Variants in CDH23 observed in about 807,000 individuals in gnomAD.
The protein encoded by CDH23 is cadherin related 23.
Under a neutral mutation model 317.1 loss-of-function variants are expected in CDH23, and 189 were observed. The ratio of observed to expected loss-of-function variants is 0.60; its 90% CI spans 0.53 to 0.67. CDH23 has a LOEUF of 0.67. Ranked by LOEUF, CDH23 falls within the 30% of genes least tolerant of loss-of-function variation. CDH23 has a pLI of 0.00. For synonymous variants in CDH23, 1,839 were observed against 1,876.8 expected (o/e 0.98, Z 0.52); for missense variants, 4,401 against 4,592.4 (o/e 0.96, Z 1.20).
chr10:71,688,987 TCAGGGATGGTGGAGC>T (rs1564733741), intron 19 of CDH23, among the ~76,000 whole-genome samples: 41 of 2,238 alleles, frequency 0.018, no homozygotes, highest in East Asian at 0.037. Context: ...GGTGGTGGAG[TCAGGGATGGTGGAGC>T]CAGGGGTGGT....
intron 9 of CDH23, among the ~76,000 whole-genome samples, chr10:71,588,233 G>A (rs1859219408): frequency 6.6e-6 from 1 of 152,172 alleles, no homozygotes; most frequent in South Asian, 2.1e-4. Context: ...CTATCAGCGT[G>A]TCCGTGTCAT....
chr10:71,656,907 G>A (rs1863440676), intron 14 of CDH23, among the ~76,000 whole-genome samples: 1 of 152,174 alleles, frequency 6.6e-6, no homozygotes, highest in South Asian at 2.1e-4. Context: ...CCTCAGTGGA[G>A]AATAGGCGGG....
At chr10:71,441,808 C>A (rs1849899107) in intron 2 of CDH23, among the ~76,000 whole-genome samples, 1 of 152,144 alleles carries the variant, frequency 6.6e-6, no homozygotes, top group African/African-American at 2.4e-5. Context: ...TGAGACACGG[C>A]AGTCTCCCCT....
chr10:71,756,601 C>T (rs998979597), intron 38 of CDH23, among the ~76,000 whole-genome samples: 8 of 152,208 alleles, frequency 5.3e-5, no homozygotes, highest in African/African-American at 1.9e-4. Flanking sequence ...CACGAAGCTT[C>T]GCTGTCCCAA....
intron 2 of CDH23, among the ~76,000 whole-genome samples, chr10:71,440,450 T>TG (rs1296341017): frequency 7.2e-6 from 1 of 139,090 alleles, no homozygotes; most frequent in African/African-American, 2.9e-5. Flanking sequence ...GAATTGGGCC[T>TG]GAGGGGACAG....
intron 11 of CDH23, among the ~76,000 whole-genome samples, chr10:71,631,431 C>T (rs1464184314): frequency 6.6e-6 from 1 of 152,154 alleles, no homozygotes; most frequent in Non-Finnish European, 1.5e-5. Context: ...AGAGGGAGCA[C>T]TGATGACAGG....
At position 71,646,480 on chromosome 10, in the gene CDH23, C is replaced by T. The variant is rs769176534; in HGVS notation, c.1312C>T (p.Pro438Ser). The T allele has an allele frequency of 6.2e-7, 1 of 1,613,930 alleles. No individual in the cohort carries two copies. Among genetic ancestry groups the T allele is most frequent in the South Asian group, 1.1e-5 (1 of 91,082 alleles). Residue 438 changes from proline (P) to serine (S), a missense_variant, in exon 14 of 70, where the codon CCT (proline) becomes TCT (serine). This residue lies in a region of CDH23 where 3,068 missense variants were observed against 3,203.3 expected (regional missense o/e 0.96). Coordinates refer to ENST00000224721, the MANE Select transcript of CDH23 (RefSeq NM_022124.6). ...CCAGCTCTTTGCCAATGAGAGTGTG[C>T]CTGACCATGTGGGCTATGCCAAGGT... ...DFDLFANESV[P>S]DHVGYAKVKI...
At chr10:71,559,524 ATTCGATAAGCAC>A (rs1857024265) in intron 6 of CDH23, among the ~76,000 whole-genome samples, 1 of 152,216 alleles carries the variant, frequency 6.6e-6, no homozygotes, top group African/African-American at 2.4e-5. Flanking sequence ...CAGGAGGGCC[ATTCGATAAGCAC>A]TTTGATGAGT....
At chr10:71,468,926 G>T (rs781252817) in intron 3 of CDH23, among the ~76,000 whole-genome samples, 1 of 151,942 alleles carries the variant, frequency 6.6e-6, no homozygotes, top group African/African-American at 2.4e-5. Flanking sequence ...CTGCCCTCAG[G>T]CTGGCTCTCA....
At chr10:71,649,167 C>T (rs1336944936) in intron 14 of CDH23, among the ~76,000 whole-genome samples, 1 of 152,210 alleles carries the variant, frequency 6.6e-6, no homozygotes, top group Non-Finnish European at 1.5e-5. Flanking sequence ...CACCGCCCTG[C>T]CCTGCTCTTG....
In CDH23 at chr10:71,789,176, G is replaced by A. The variant is rs1841178966; in HGVS notation, c.5923+134G>A. The A allele has an allele frequency of 1.0e-5, 6 of 596,500 alleles. No individual in the cohort carries two copies. In the South Asian group the frequency reaches 1.0e-4, roughly 10 times the overall value. 37.0% of individuals were successfully genotyped at this position (596,500 alleles called of 1,614,324 possible). A position where few individuals can be genotyped will look rare whatever the true frequency, so the allele number is the denominator to read the frequency against. On this transcript the variant is annotated intron_variant, in intron 45 of 69. Coordinates refer to ENST00000224721, the MANE Select transcript of CDH23 (RefSeq NM_022124.6). ...AGTGGGTGCGGGAGGGGAAGGATGG[G>A]TGCAGCTCCGGGAGATGGTGGGCTG...
chr10:71,575,657 C>G (rs1858138335), intron 8 of CDH23, among the ~76,000 whole-genome samples: 1 of 152,228 alleles, frequency 6.6e-6, no homozygotes, highest in Non-Finnish European at 1.5e-5. Flanking sequence ...GCGCACACCC[C>G]AGCTGGACTG....
At chr10:71,759,805 G>C (rs1214616554) in intron 38 of CDH23, among the ~76,000 whole-genome samples, 2 of 118,528 alleles carry the variant, frequency 1.7e-5, no homozygotes, top group African/African-American at 7.1e-5. Context: ...GAGTGAAACC[G>C]TGTTTCAGAA....
rs144829942 is a variant in CDH23 at position 71,758,995 on chromosome 10, G to A, written c.4845+17074G>A. Among the ~76,000 whole-genome samples the A allele has an allele frequency of 4.7e-3, 721 of 152,040 alleles. 4 individuals carry two copies. The highest frequency in any genetic ancestry group is 0.017 in the African/African-American group (692 of 41,460). On this transcript the variant is annotated intron_variant, in intron 38 of 69. Coordinates refer to ENST00000224721, the MANE Select transcript of CDH23 (RefSeq NM_022124.6). ...AGCAGCTCTCATGTCTCAGCCTCCC[G>A]AGTAGCTGGGATTACAGATGCCTGC...
intron 42 of CDH23, 107 bp from the exon 43 acceptor site, chr10:71,784,784 G>A (rs2132938802): frequency 8.6e-6 from 7 of 813,490 alleles, no homozygotes; most frequent in South Asian, 4.3e-5. Flanking sequence ...ATGACCAACT[G>A]CACCCTCCCT....
chr10:71,688,980 G>GCC (rs1865050731), intron 19 of CDH23, among the ~76,000 whole-genome samples: 1 of 13,530 alleles, frequency 7.4e-5, no homozygotes, highest in African/African-American at 2.2e-4. Flanking sequence ...GTCCAGGGGT[G>GCC]GTGGAGTCAG....
Position 71,799,614 on chromosome 10 carries a change from C to T in CDH23, c.7347C>T (p.Ala2449=). ...YSLGDGESKF[A]INPTTGDIYV... ...TTGGAGATGGAGAGAGCAAGTTTGC[C>T]ATCAACCCCACCACGGTGAGCAGTG... Residue 2449 remains alanine, a synonymous_variant, in exon 52 of 70, where the codon GCC becomes GCT. Transcript: ENST00000224721. The T allele has an allele frequency of 2.5e-6, 4 of 1,614,054 alleles. No homozygotes were observed. Among genetic ancestry groups the T allele is most frequent in the Non-Finnish European group, 3.4e-6 (4 of 1,179,904 alleles).
intron 27 of CDH23, 134 bp from the exon 28 acceptor site, chr10:71,712,531 C>T (rs768834937): frequency 6.1e-5 from 54 of 888,058 alleles, no homozygotes; most frequent in Non-Finnish European, 8.1e-5. Flanking sequence ...AGGAAGTCAC[C>T]CCTTGCAAAG....
Position 71,577,925 on chromosome 10 carries a change from G to A in CDH23, c.765G>A (p.Val255=). The change falls in exon 9 of 70, where the codon GTG becomes GTA. Residue 255 remains valine (V), a synonymous_variant. Coordinates refer to ENST00000224721, the MANE Select transcript of CDH23 (RefSeq NM_022124.6). ...TCTCTTCTGCCCAGGGCACGACGGTGCGCATCATCACCGCCATAGACCAGG... is the reference window on the plus strand; with the variant it reads ...TCTCTTCTGCCCAGGGCACGACGGTACGCATCATCACCGCCATAGACCAGG... The part of the protein sequence containing the change: ...IYEHSPPGTT[V]RIITAIDQDK... 2.5e-6 allele frequency: 4 copies of A among 1,599,896 alleles called. No individual in the cohort carries two copies. Among genetic ancestry groups the A allele is most frequent in the Non-Finnish European group, 3.4e-6 (4 of 1,173,078 alleles).
Sources: allele counts gnomAD v4.1 joint callset (sites outside exome capture counted in the v4.1 genomes callset), GRCh38; gene constraint gnomAD v4.1.1; regional missense constraint gnomAD v4.1.1; transcripts MANE v1.5; gene names NCBI Gene and HGNC (gene_info 2026-07-23, HGNC 2026-07-21).